MAP3K9: variants seen among roughly 807,000 people sequenced by gnomAD.
The protein encoded by MAP3K9 is mitogen-activated protein kinase kinase kinase 9, also known as mixed lineage kinase 1 (tyr and ser/thr specificity).
Under a neutral mutation model 95.8 loss-of-function variants are expected in MAP3K9, and 46 were observed. That is an observed-to-expected ratio of 0.48 (90% CI 0.38 to 0.61). MAP3K9 has a LOEUF of 0.61. Among genes scored for constraint, MAP3K9 ranks in the 20% least tolerant of loss-of-function variants. The pLI is 0.00. For synonymous variants in MAP3K9, 533 were observed against 593.8 expected, an observed-to-expected ratio of 0.90 and a Z score of 1.49; for missense variants, 1,296 against 1,474.3, an observed-to-expected ratio of 0.88 and a Z score of 1.98.
At chr14:70,784,560 T>A (rs1196507738) in intron 2 of MAP3K9, among the ~76,000 whole-genome samples, 3 of 152,108 alleles carry the variant, frequency 2.0e-5, no homozygotes. Flanking sequence ...CTGGCCAATA[T>A]GTTGAAACCC....
intron 1 of MAP3K9, among the ~76,000 whole-genome samples, chr14:70,802,412 T>C (rs2054940338): frequency 1.3e-5 from 2 of 152,190 alleles, no homozygotes; most frequent in Non-Finnish European, 2.9e-5. Context: ...CTAAGGTACT[T>C]GATTATATAT....
At chr14:70,744,775 ACAGT>A (rs1387489776) in intron 5 of MAP3K9, among the ~76,000 whole-genome samples, 1 of 152,208 alleles carries the variant, frequency 6.6e-6, no homozygotes, top group African/African-American at 2.4e-5. Context: ...AATCTGAAGG[ACAGT>A]CAGTCACACT....
At chr14:70,789,266 T>A (rs755773285) in intron 2 of MAP3K9, among the ~76,000 whole-genome samples, 1 of 152,184 alleles carries the variant, frequency 6.6e-6, no homozygotes, top group Non-Finnish European at 1.5e-5. Flanking sequence ...TTCAGCAGAA[T>A]TAAATCTGCC....
chr14:70,781,934 A>G (rs188235499), intron 2 of MAP3K9, among the ~76,000 whole-genome samples: 2 of 152,342 alleles, frequency 1.3e-5, no homozygotes, highest in East Asian at 1.9e-4. Context: ...GGAATTGCCT[A>G]AAGAACCCAG....
chr14:70,735,363 GCT>G (rs975339984), intron 9 of MAP3K9, among the ~76,000 whole-genome samples: 1 of 116,478 alleles, frequency 8.6e-6, no homozygotes, highest in Non-Finnish European at 1.8e-5. Context: ...GACCAGAGTG[GCT>G]CTTTTTTTTT....
chr14:70,740,059 C>T lies in MAP3K9; in HGVS notation c.1673G>A (p.Arg558His), dbSNP rs775951489. 3.1e-6 allele frequency: 5 copies of T among 1,614,064 alleles called. No homozygotes were observed. Among genetic ancestry groups the T allele is most frequent in the Admixed American group, 1.7e-5 (1 of 60,012 alleles). The change falls in exon 7 of 12, where the codon CGC becomes CAC. Residue 558 changes from arginine to histidine, a missense_variant. Around this residue, in one of 5 missense-constraint regions of MAP3K9, gnomAD observed 377 missense variants for 417.1 expected, o/e 0.90. Transcript: ENST00000554752. Reference sequence around the variant, plus strand: ...AGTCTCACACTGGATGGCTCGAAGGCGAGGAATGATGGTGGGGCTTGCAGG... The same window carrying T: ...AGTCTCACACTGGATGGCTCGAAGGTGAGGAATGATGGTGGGGCTTGCAGG... ...SPPASPTIIPRLRAIQLTPGE... is the reference protein window; with the variant it reads ...SPPASPTIIPHLRAIQLTPGE...
rs752783025 is a variant in MAP3K9 at position 70,732,639 on chromosome 14, G to A, written c.2730C>T (p.Ser910=). 3 of 1,606,854 alleles carry A rather than the reference G, an allele frequency of 1.9e-6. No homozygotes were observed. Among genetic ancestry groups the A allele is most frequent in the East Asian group, 2.2e-5 (1 of 44,768 alleles). Residue 910 remains serine, a synonymous_variant, in exon 11 of 12, where the codon AGC becomes AGT. Transcript: ENST00000554752. ...CATCAGAAGGAGTCCGCCGGTGACT[G>A]CTGGGCTGCGAGGGGGTGGTGAGGG... ...HVTLTTPSQP[S]SHRRTPSDGA...
intron 2 of MAP3K9, among the ~76,000 whole-genome samples, chr14:70,768,274 C>T (rs2054484743): frequency 1.3e-5 from 2 of 151,714 alleles, no homozygotes; most frequent in Admixed American, 1.3e-4. Flanking sequence ...AAAATATATA[C>T]ACCTATTATG....
intron 2 of MAP3K9, among the ~76,000 whole-genome samples, chr14:70,775,083 G>A (rs548566227): frequency 4.1e-5 from 6 of 147,640 alleles, no homozygotes; most frequent in African/African-American, 7.4e-5. Context: ...GATGATAAGC[G>A]AAACGTTTTT....
rs1378663115 is a variant in MAP3K9 at position 70,761,119 on chromosome 14, A to C, written c.884T>G (p.Phe295Cys). The C allele has an allele frequency of 6.2e-7, 1 of 1,614,130 alleles. No individual in the cohort carries two copies. The highest frequency in any genetic ancestry group is 8.5e-7 in the Non-Finnish European group (1 of 1,180,018). ...TCGGTGCCATTCCCGAGCCAGGCCA[A>C]AATCAGTGATCTTCAGAATCTTGTT... ...LSNKILKITD[F>C]GLAREWHRTT... is the part of the protein sequence containing the mutation. Residue 295 changes from phenylalanine (F) to cysteine (C), a missense_variant, in exon 3 of 12, where the codon TTT (phenylalanine) becomes TGT (cysteine). Phe to Cys is a radical substitution (Grantham distance 205). Transcript: ENST00000554752.
intron 2 of MAP3K9, among the ~76,000 whole-genome samples, chr14:70,792,971 G>A (rs950664294): frequency 6.6e-6 from 1 of 152,256 alleles, no homozygotes; most frequent in African/African-American, 2.4e-5. Flanking sequence ...CAAGGTGCAA[G>A]TGAACAGAAT....
chr14:70,743,728 G>A (rs555715098), intron 5 of MAP3K9, among the ~76,000 whole-genome samples: 1 of 152,340 alleles, frequency 6.6e-6, no homozygotes, highest in Admixed American at 6.5e-5. Context: ...AGGATGTGGA[G>A]AAACAGGAAT....
chr14:70,769,587 C>T (rs1272332258), intron 2 of MAP3K9, among the ~76,000 whole-genome samples: 2 of 152,212 alleles, frequency 1.3e-5, no homozygotes, highest in Non-Finnish European at 2.9e-5. Context: ...ATCAAGGTGT[C>T]GGCAGGGCCA....
intron 6 of MAP3K9, among the ~76,000 whole-genome samples, 190 bp from the exon 7 acceptor site, chr14:70,740,354 T>C (rs1235132163): frequency 7.2e-5 from 11 of 152,132 alleles, no homozygotes; most frequent in African/African-American, 2.7e-4. Context: ...GATGAACGTA[T>C]AAAAAGATGG....
rs373381155 is a variant in MAP3K9 at position 70,774,403 on chromosome 14, C to T, written c.821-13221G>A. ...ATATCAGGCTGGGCGCGGTGGCTCA[C>T]GCCTGTAATCTCAGCACTTTGGGAG... On this transcript the variant is annotated intron_variant, in intron 2 of 11. Coordinates refer to ENST00000554752, the MANE Select transcript of MAP3K9 (RefSeq NM_001284230.2). 1.4e-3 allele frequency among the ~76,000 whole-genome samples: 207 copies of T among 152,294 alleles called. 5 individuals carry two copies. In the South Asian group the frequency reaches 0.02, roughly 15 times the overall value.
At chr14:70,778,481 G>C (rs1319577342) in intron 2 of MAP3K9, among the ~76,000 whole-genome samples, 1 of 152,032 alleles carries the variant, frequency 6.6e-6, no homozygotes, top group Non-Finnish European at 1.5e-5. Context: ...TCGCCATGTT[G>C]GCCAGGCTGG....
chr14:70,740,301 G>A, intron 6 of MAP3K9, 137 bp from the exon 7 acceptor site: 1 of 908,090 alleles, frequency 1.1e-6, no homozygotes, highest in Non-Finnish European at 1.7e-6. Flanking sequence ...CCTGGGAAAT[G>A]TTCTCTTTTA....
intron 5 of MAP3K9, among the ~76,000 whole-genome samples, chr14:70,744,938 C>T (rs1043170488): frequency 1.3e-5 from 2 of 152,210 alleles, no homozygotes; most frequent in African/African-American, 4.8e-5. Flanking sequence ...AACCTCTTCC[C>T]TACCTCCCCT....
chr14:70,798,167 T>C (rs1242152486), intron 2 of MAP3K9, among the ~76,000 whole-genome samples: 2 of 152,208 alleles, frequency 1.3e-5, no homozygotes, highest in African/African-American at 4.8e-5. Context: ...TAACTTTTCC[T>C]GCATAAGAGC....
Sources: allele counts gnomAD v4.1 joint callset (sites outside exome capture counted in the v4.1 genomes callset), GRCh38; gene constraint gnomAD v4.1.1; regional missense constraint gnomAD v4.1.1; transcripts MANE v1.5; gene names NCBI Gene and HGNC (gene_info 2026-07-23, HGNC 2026-07-21).